The following KCNIP4 variants were observed in gnomAD, a reference collection of about 807,000 sequenced individuals.
The protein encoded by KCNIP4 is Kv channel-interacting protein 4.
KCNIP4 carries 12 observed loss-of-function variants against 34.0 expected under a neutral mutation model. That is an observed-to-expected ratio of 0.35 (90% CI 0.23 to 0.57). The LOEUF is 0.57. KCNIP4 is among the 20% of genes least tolerant of loss of function. The pLI is 0.83. For missense variants in KCNIP4, 238 were observed against 311.7 expected, an observed-to-expected ratio of 0.76 and a Z score of 1.78; for synonymous variants, 124 against 102.2, an observed-to-expected ratio of 1.21 and a Z score of -1.29.
At chr4:21,829,853 A>G (rs1160751331) in intron 1 of KCNIP4, among the ~76,000 whole-genome samples, 1 of 152,078 alleles carries the variant, frequency 6.6e-6, no homozygotes, top group African/African-American at 2.4e-5. Flanking sequence ...GAAATGGATT[A>G]AATTATCCAA....
intron 1 of KCNIP4, among the ~76,000 whole-genome samples, chr4:20,965,366 C>G (rs777868915): frequency 2.6e-4 from 40 of 152,280 alleles, no homozygotes; most frequent in Non-Finnish European, 5.1e-4. Flanking sequence ...AAGGAAATCT[C>G]ACCACTGACA....
At chr4:20,797,104 G>T (rs1036560730) in intron 3 of KCNIP4, among the ~76,000 whole-genome samples, 9 of 152,154 alleles carry the variant, frequency 5.9e-5, no homozygotes, top group Admixed American at 5.9e-4. Flanking sequence ...AAGGGCTCAA[G>T]TGTCACCAGA....
In KCNIP4 at chr4:21,147,939, C is replaced by CAAAAAAAAAAAAA. The variant is rs377562727; in HGVS notation, c.62-265243_62-265231dup. On this transcript the variant is annotated intron_variant, in intron 1 of 8. Coordinates refer to ENST00000382152, the MANE Select transcript of KCNIP4 (RefSeq NM_025221.6). ...GGACAACAAAAGTGAAACTCCGTCT[C>CAAAAAAAAAAAAA]AAAAAAAAAAAAAAAAAAAAAGAAA... Among the ~76,000 whole-genome samples, 236 of 30,888 alleles carry CAAAAAAAAAAAAA rather than the reference C, an allele frequency of 7.6e-3. 4 individuals carry two copies. Among genetic ancestry groups the CAAAAAAAAAAAAA allele is most frequent in the Middle Eastern group, 0.021 (1 of 48 alleles). 20.3% of individuals were successfully genotyped at this position (30,888 alleles called of 152,430 possible).
At chr4:20,831,703 A>T (rs1718446203) in intron 3 of KCNIP4, among the ~76,000 whole-genome samples, 1 of 152,234 alleles carries the variant, frequency 6.6e-6, no homozygotes, top group Non-Finnish European at 1.5e-5. Flanking sequence ...ATTCAGTAAT[A>T]GGCTTGCCTT....
chr4:21,138,303 TC>T (rs1751668132), intron 1 of KCNIP4, among the ~76,000 whole-genome samples: 1 of 152,180 alleles, frequency 6.6e-6, no homozygotes, highest in African/African-American at 2.4e-5. Context: ...TCTGTCAGAT[TC>T]CCCATCTTAT....
At chr4:21,429,613 G>A (rs1350425339) in intron 1 of KCNIP4, among the ~76,000 whole-genome samples, 1 of 152,186 alleles carries the variant, frequency 6.6e-6, no homozygotes, top group Admixed American at 6.5e-5. Context: ...CAGTGAATGA[G>A]AGTTCCTGTT....
rs556321618 is a variant in KCNIP4 at position 21,063,828 on chromosome 4, A to G, written c.62-181119T>C. ...TTTAGAGATTTGAGGGGAAGTAAAG[A>G]GAAGAGAGAATAAAAAAATTCTTAA... is the stretch of plus-strand genomic sequence containing the variant. On this transcript the variant is annotated intron_variant, in intron 1 of 8. Coordinates refer to ENST00000382152, the MANE Select transcript of KCNIP4 (RefSeq NM_025221.6). Among the ~76,000 whole-genome samples, 35 of 152,226 alleles carry G rather than the reference A, an allele frequency of 2.3e-4. No individual in the cohort carries two copies. The South Asian group carries it at 6.6e-3, about 29-fold the overall frequency.
chr4:21,803,317 T>G (rs1578010352), intron 1 of KCNIP4, among the ~76,000 whole-genome samples: 1 of 152,288 alleles, frequency 6.6e-6, no homozygotes, highest in African/African-American at 2.4e-5. Flanking sequence ...TCTCCATTCT[T>G]ACTTCCTCTG....
chr4:20,830,621 C>G (rs1349383029), intron 3 of KCNIP4, among the ~76,000 whole-genome samples: 1 of 152,076 alleles, frequency 6.6e-6, no homozygotes, highest in African/African-American at 2.4e-5. Context: ...TATAATTACT[C>G]TGCCAAAAAA....
At chr4:20,872,850 A>C (rs751354954) in intron 2 of KCNIP4, among the ~76,000 whole-genome samples, 6 of 152,164 alleles carry the variant, frequency 3.9e-5, no homozygotes, top group Non-Finnish European at 5.9e-5. Flanking sequence ...AAGATGCACT[A>C]ATCAAAAACT....
At chr4:21,447,184 T>C in intron 1 of KCNIP4, among the ~76,000 whole-genome samples, 1 of 151,954 alleles carries the variant, frequency 6.6e-6, no homozygotes, top group South Asian at 2.1e-4. Context: ...AACAGAAAGG[T>C]AGAAGGAGAT....
chr4:21,396,021 C>A (rs1252160788), intron 1 of KCNIP4, among the ~76,000 whole-genome samples: 1 of 148,996 alleles, frequency 6.7e-6, no homozygotes, highest in East Asian at 2.0e-4. Context: ...ATGCTGAATA[C>A]TATATATATA....
intron 1 of KCNIP4, among the ~76,000 whole-genome samples, chr4:21,819,747 C>A (rs749305896): frequency 6.6e-6 from 1 of 152,044 alleles, no homozygotes; most frequent in African/African-American, 2.4e-5. Flanking sequence ...GAAGATGGAA[C>A]GAGGTTTAAT....
intron 1 of KCNIP4, among the ~76,000 whole-genome samples, chr4:20,936,831 G>A (rs1731117032): frequency 6.6e-6 from 1 of 152,172 alleles, no homozygotes; most frequent in Non-Finnish European, 1.5e-5. Context: ...CTGAAAAATG[G>A]CTAGCAATAA....
chr4:20,961,547 C>A lies in KCNIP4; in HGVS notation c.62-78838G>T, dbSNP rs1469704493. Among the ~76,000 whole-genome samples the A allele has an allele frequency of 3.3e-5, 5 of 152,074 alleles. No homozygotes were observed. The South Asian group carries it at 6.2e-4, about 19-fold the overall frequency. Reference sequence around the variant, plus strand: ...AACATACACAGAGTTTTAAAAAAAACAAAAGGAAATTGATATAGATAACTC... The same window carrying A: ...AACATACACAGAGTTTTAAAAAAAAAAAAAGGAAATTGATATAGATAACTC... On this transcript the variant is annotated intron_variant, in intron 1 of 8. Transcript: ENST00000382152.
At chr4:21,885,676 T>C (rs1353409135) in intron 1 of KCNIP4, among the ~76,000 whole-genome samples, 1 of 152,122 alleles carries the variant, frequency 6.6e-6, no homozygotes, top group East Asian at 1.9e-4. Context: ...TCAAAGGAAA[T>C]TTGAACGTGT....
intron 1 of KCNIP4, among the ~76,000 whole-genome samples, chr4:21,109,557 G>T (rs1476759144): frequency 6.6e-6 from 1 of 152,228 alleles, no homozygotes; most frequent in Non-Finnish European, 1.5e-5. Context: ...CGCTTCCCGA[G>T]TGAGGCAATG....
At chr4:21,928,439 T>A (rs1009773738) in intron 1 of KCNIP4, among the ~76,000 whole-genome samples, 4 of 152,134 alleles carry the variant, frequency 2.6e-5, no homozygotes, top group African/African-American at 7.2e-5. Flanking sequence ...AAGTGACAAC[T>A]GGATGAATGT....
At chr4:21,400,209 T>C (rs147823317) in intron 1 of KCNIP4, among the ~76,000 whole-genome samples, 112 of 152,256 alleles carry the variant, frequency 7.4e-4, no homozygotes, top group African/African-American at 2.5e-3. Flanking sequence ...GTGCAGAACA[T>C]TGCAGGGGAG....
Sources: allele counts gnomAD v4.1 joint callset (sites outside exome capture counted in the v4.1 genomes callset), GRCh38; gene constraint gnomAD v4.1.1; transcripts MANE v1.5; gene names NCBI Gene and HGNC (gene_info 2026-07-23, HGNC 2026-07-21).